Variants in TNNT3 observed in about 807,000 individuals in gnomAD.
TNNT3 encodes troponin T, fast skeletal muscle.
A neutral mutation model predicts 54.2 loss-of-function variants in TNNT3; 36 were observed. That is an observed-to-expected ratio of 0.66 (90% CI 0.51 to 0.88). The LOEUF (loss-of-function observed/expected upper bound fraction) is 0.88. TNNT3 is among the 40% of genes least tolerant of loss of function. The probability of loss-of-function intolerance (pLI) is 0.00; values close to 1 mark genes in which losing one functional copy is unlikely to be tolerated. For missense variants in TNNT3, 291 were observed against 331.6 expected (o/e 0.88, Z 0.95); for synonymous variants, 120 against 109.7 (o/e 1.09, Z -0.59).
chr11:1,936,822 G>T lies in TNNT3; in HGVS notation c.682-141G>T, dbSNP rs898863865. ...TGCACAAGGAGCCAGGAGACAGTAA[G>T]GGAGCCGAGGAGCCCTCATGGGGGC... On this transcript the variant is annotated intron_variant, in intron 14 of 15. Coordinates refer to ENST00000278317, the MANE Select transcript of TNNT3 (RefSeq NM_006757.4). 6.1e-6 allele frequency: 5 copies of T among 820,788 alleles called. No individual in the cohort carries two copies. In the African/African-American group the frequency reaches 6.8e-5, roughly 11 times the overall value. The allele number at this position is 820,788 out of a possible 1,614,324, so 50.8% of individuals were successfully genotyped here. A position where few individuals can be genotyped will look rare whatever the true frequency, so the allele number is the denominator to read the frequency against.
rs757726522 is a variant in TNNT3, at chr11:1,934,706, A to C, written c.590+51A>C. The C allele has an allele frequency of 1.0e-5, 16 of 1,603,042 alleles. No individual in the cohort carries two copies. The East Asian group carries it at 3.6e-4, about 36-fold the overall frequency. On this transcript the variant is annotated intron_variant, in intron 13 of 15. Coordinates refer to ENST00000278317, the MANE Select transcript of TNNT3 (RefSeq NM_006757.4). ...AGCCCCACGGGGTGGCCCCTGCAGG[A>C]GCTGCCGACTGCTCCTCAGGCTGCC...
intron 1 of TNNT3, among the ~76,000 whole-genome samples, chr11:1,922,119 G>C (rs950464518): frequency 6.6e-6 from 1 of 152,204 alleles, no homozygotes; most frequent in South Asian, 2.1e-4. Flanking sequence ...GGGTGCACGG[G>C]AAGCGGCCCA....
At position 1,932,495 on chromosome 11, in the gene TNNT3, G is replaced by C; in HGVS notation, c.152G>C (p.Gly51Ala). Residue 51 changes from glycine (G) to alanine (A), a missense_variant, in exon 9 of 16, where the codon GGG (glycine) becomes GCG (alanine). By Grantham distance (60) the Gly-to-Ala change is moderately conservative. Transcript: ENST00000278317. ...CTCACTGCTCCTAAGATCCCAGAAG[G>C]GGAGAAAGTGGACTTCGATGTAAGT... ...PKLTAPKIPEGEKVDFDDIQK... is the reference protein window; with the variant it reads ...PKLTAPKIPEAEKVDFDDIQK... 1 of 1,613,874 alleles carries C rather than the reference G, an allele frequency of 6.2e-7. No individual in the cohort carries two copies. Among genetic ancestry groups the C allele is most frequent in the Non-Finnish European group, 8.5e-7 (1 of 1,179,972 alleles).
chr11:1,938,574 G>A lies in TNNT3; in HGVS notation c.*82G>A. On this transcript the variant is annotated 3_prime_UTR_variant, in exon 16 of 16. Transcript: ENST00000278317. ...CGCTCGTGGGACTCCACATCCTCCA[G>A]CCCCCACAATCCTGTCAGGGGCTCC... The A allele has an allele frequency of 7.0e-7, 1 of 1,427,942 alleles. No homozygotes were observed. The highest frequency in any genetic ancestry group is 9.8e-7 in the Non-Finnish European group (1 of 1,024,292). 88.5% of individuals were successfully genotyped at this position (1,427,942 alleles called of 1,614,324 possible). A position where few individuals can be genotyped will look rare whatever the true frequency, so the allele number is the denominator to read the frequency against.
chr11:1,928,616 A>T (rs12420273), intron 6 of TNNT3, among the ~76,000 whole-genome samples: 2 of 151,954 alleles, frequency 1.3e-5, no homozygotes, highest in Non-Finnish European at 2.9e-5. Flanking sequence ...GAGGCTCCTG[A>T]GGCCTGAGGG....
chr11:1,924,418 C>T (rs370374507), intron 4 of TNNT3, among the ~76,000 whole-genome samples: 26 of 152,346 alleles, frequency 1.7e-4, no homozygotes, highest in East Asian at 1.5e-3. Flanking sequence ...CTGGGGAGCG[C>T]GTTCACGCAA....
At chr11:1,926,499 A>C in intron 5 of TNNT3, 196 bp from the exon 6 acceptor site, 2 of 1,613,148 alleles carry the variant, frequency 1.2e-6, no homozygotes, top group Non-Finnish European at 1.7e-6. Context: ...CATGACTTCG[A>C]TGCCACATGG....
rs1851692915 is a variant in TNNT3 at position 1,926,677 on chromosome 11, A to G, written c.68-18A>G. 3 of 1,613,290 alleles carry G rather than the reference A, an allele frequency of 1.9e-6. No homozygotes were observed. The highest frequency in any genetic ancestry group is 2.5e-6 in the Non-Finnish European group (3 of 1,179,984). ...TCTCTCTCCCGCCCTTTCTGCCACC[A>G]TGACGCTGCTTCTGCAGAGGAAGTT... On this transcript the variant is annotated intron_variant, in intron 5 of 15. Coordinates refer to ENST00000278317, the MANE Select transcript of TNNT3 (RefSeq NM_006757.4).
chr11:1,933,946 G>T lies in TNNT3; in HGVS notation c.304G>T (p.Glu102Ter), dbSNP rs1854187437. 6.2e-7 allele frequency: 1 copy of T among 1,612,720 alleles called. No individual in the cohort carries two copies. The highest frequency in any genetic ancestry group is 1.1e-5 in the South Asian group (1 of 91,086). The change falls in exon 11 of 16, where the codon GAG (glutamate) becomes TAG (stop). Residue 102 changes from glutamate to a stop codon, truncating the protein, a stop_gained. Transcript: ENST00000278317. LOFTEE classifies it high-confidence loss of function. ...LKERIEKRRA[E>*]RAEQQRIRAE... ...CTGGCTGCAGGAGAAGCGCCGTGCA[G>T]AGAGAGCGGAGCAGCAGAGGATTCG...
At chr11:1,923,175 G>A (rs1253590733) in intron 3 of TNNT3, 114 bp downstream of exon 3, 1 of 1,448,176 alleles carries the variant, frequency 6.9e-7, no homozygotes, top group Non-Finnish European at 9.7e-7. Context: ...TACATCAGCT[G>A]CATCCCATGG....
intron 15 of TNNT3, 130 bp from the exon 16 acceptor site, chr11:1,938,308 G>C: frequency 9.9e-7 from 1 of 1,011,086 alleles, no homozygotes; most frequent in South Asian, 1.3e-5. Flanking sequence ...GGTGTGGGCC[G>C]CAAGCTTGGG....
At chr11:1,920,478 C>A (rs538385023) in intron 1 of TNNT3, among the ~76,000 whole-genome samples, 1 of 149,870 alleles carries the variant, frequency 6.7e-6, no homozygotes, top group South Asian at 2.2e-4. Flanking sequence ...CCCCCACCCA[C>A]CCTCCCTGCC....
intron 5 of TNNT3, among the ~76,000 whole-genome samples, chr11:1,925,783 CT>C (rs1851417744): frequency 6.6e-6 from 1 of 152,180 alleles, no homozygotes; most frequent in Admixed American, 6.5e-5. Flanking sequence ...CCCAGGCCCC[CT>C]CACAGCCTTC....
intron 8 of TNNT3, among the ~76,000 whole-genome samples, chr11:1,931,383 C>T (rs751134045): frequency 6.6e-6 from 1 of 152,256 alleles, no homozygotes; most frequent in Non-Finnish European, 1.5e-5. Flanking sequence ...GCCTGGCCAA[C>T]GCCGTCTCCT....
At chr11:1,925,344 G>C (rs765063062) in intron 5 of TNNT3, 7 of 1,513,096 alleles carry the variant, frequency 4.6e-6, no homozygotes, top group East Asian at 2.5e-5. Context: ...ATGTGGGGGT[G>C]GGGGAGAGGG....
chr11:1,927,306 C>A (rs1433696189), intron 6 of TNNT3, among the ~76,000 whole-genome samples: 1 of 152,176 alleles, frequency 6.6e-6, no homozygotes, highest in Non-Finnish European at 1.5e-5. Flanking sequence ...GCCAGACACA[C>A]CCGGAGTGAG....
intron 8 of TNNT3, among the ~76,000 whole-genome samples, chr11:1,930,226 C>T (rs991853040): frequency 1.9e-4 from 29 of 152,134 alleles, no homozygotes; most frequent in Admixed American, 2.0e-4. Context: ...GGAAGGAAGG[C>T]GGGGCAGCTG....
At chr11:1,929,970 C>A in intron 8 of TNNT3, 142 bp downstream of exon 8, 1 of 1,189,038 alleles carries the variant, frequency 8.4e-7, no homozygotes, top group Non-Finnish European at 1.2e-6. Flanking sequence ...CCTGGCAGGC[C>A]CAGCGCCTCG....
At chr11:1,925,851 C>T (rs1331409166) in intron 5 of TNNT3, among the ~76,000 whole-genome samples, 1 of 152,156 alleles carries the variant, frequency 6.6e-6, no homozygotes, top group Non-Finnish European at 1.5e-5. Flanking sequence ...GGCTGGGGTC[C>T]CATGCCCAGA....
Sources: allele counts gnomAD v4.1 joint callset (sites outside exome capture counted in the v4.1 genomes callset), GRCh38; gene constraint gnomAD v4.1.1; transcripts MANE v1.5; gene names NCBI Gene and HGNC (gene_info 2026-07-23, HGNC 2026-07-21).